EIF4G3: variants seen among roughly 807,000 people sequenced by gnomAD.
The protein encoded by EIF4G3 is eukaryotic translation initiation factor 4 gamma 3, also known as eIF-4-gamma 3.
EIF4G3 carries 34 observed loss-of-function variants against 186.4 expected under a neutral mutation model. The observed-to-expected ratio is 0.18, with a 90% confidence interval of 0.14 to 0.24. The LOEUF is 0.24. Ranked by LOEUF, EIF4G3 falls within the 10% of genes least tolerant of loss-of-function variation. EIF4G3 has a pLI of 1.00. For missense variants in EIF4G3, 1,536 were observed against 1,948.5 expected, an observed-to-expected ratio of 0.79 and a Z score of 3.99; for synonymous variants, 673 against 679.5, an observed-to-expected ratio of 0.99 and a Z score of 0.15.
intron 10 of EIF4G3, among the ~76,000 whole-genome samples, chr1:20,979,046 C>T (rs980898773): frequency 6.6e-6 from 1 of 151,980 alleles, no homozygotes; most frequent in South Asian, 2.1e-4. Context: ...TAAGTTTTTG[C>T]TTTGTTGGTT....
chr1:20,996,307 C>T, intron 7 of EIF4G3, among the ~76,000 whole-genome samples: 1 of 152,084 alleles, frequency 6.6e-6, no homozygotes, highest in Non-Finnish European at 1.5e-5. Flanking sequence ...AAGAATCAAA[C>T]CTAGATCTAG....
chr1:21,134,782 A>G (rs527370983), intron 2 of EIF4G3, among the ~76,000 whole-genome samples: 4 of 152,308 alleles, frequency 2.6e-5, no homozygotes, highest in African/African-American at 7.2e-5. Context: ...GGGTACATGC[A>G]AGAGACTTTA....
chr1:20,955,338 C>T (rs2096380087), intron 12 of EIF4G3, among the ~76,000 whole-genome samples: 1 of 151,656 alleles, frequency 6.6e-6, no homozygotes, highest in Admixed American at 6.6e-5. Flanking sequence ...TTCAAGTGTT[C>T]CTTCCACCTC....
At chr1:21,135,369 C>T (rs2097220449) in intron 2 of EIF4G3, among the ~76,000 whole-genome samples, 1 of 152,144 alleles carries the variant, frequency 6.6e-6, no homozygotes, top group Admixed American at 6.5e-5. Flanking sequence ...TGTGGTGGCG[C>T]ATGCCTGTGA....
At chr1:21,019,876 C>A (rs1197278378) in intron 4 of EIF4G3, among the ~76,000 whole-genome samples, 1 of 152,076 alleles carries the variant, frequency 6.6e-6, no homozygotes, top group Non-Finnish European at 1.5e-5. Flanking sequence ...GAGCAAGACG[C>A]CGTCTCAAAA....
intron 4 of EIF4G3, among the ~76,000 whole-genome samples, chr1:21,022,069 C>T (rs968747668): frequency 3.9e-5 from 6 of 152,178 alleles, no homozygotes; most frequent in Admixed American, 1.3e-4. Flanking sequence ...AATACCTCAA[C>T]GATGGCACTA....
intron 10 of EIF4G3, among the ~76,000 whole-genome samples, chr1:20,977,413 C>T (rs1331550987): frequency 6.6e-6 from 1 of 152,162 alleles, no homozygotes; most frequent in East Asian, 1.9e-4. Context: ...TTTAGAACTC[C>T]TGACCTCGGG....
chr1:21,043,435 TA>T (rs1313951975), intron 4 of EIF4G3, among the ~76,000 whole-genome samples: 1 of 152,178 alleles, frequency 6.6e-6, no homozygotes, highest in African/African-American at 2.4e-5. Flanking sequence ...TAATTGTACT[TA>T]ACCATCACTC....
intron 4 of EIF4G3, among the ~76,000 whole-genome samples, chr1:21,004,408 C>T (rs1402076979): frequency 6.6e-6 from 1 of 151,990 alleles, no homozygotes; most frequent in Non-Finnish European, 1.5e-5. Context: ...AATGAAATGC[C>T]ACCAAGAACA....
intron 2 of EIF4G3, among the ~76,000 whole-genome samples, chr1:21,142,872 T>C (rs144405744): frequency 7.7e-4 from 118 of 152,306 alleles, no homozygotes; most frequent in Non-Finnish European, 1.4e-3. Flanking sequence ...GCAGCATCCA[T>C]AAGTAATTCT....
chr1:20,986,098 C>A (rs1189512052), intron 7 of EIF4G3, among the ~76,000 whole-genome samples: 1 of 152,190 alleles, frequency 6.6e-6, no homozygotes, highest in Non-Finnish European at 1.5e-5. Context: ...TCCTGTCCCT[C>A]CAACCAAGAT....
intron 12 of EIF4G3, among the ~76,000 whole-genome samples, chr1:20,963,118 T>C (rs1483836887): frequency 6.6e-6 from 1 of 152,062 alleles, no homozygotes; most frequent in Non-Finnish European, 1.5e-5. Flanking sequence ...TGGTCTGTAT[T>C]TGTGTACCTA....
chr1:21,044,591 A>G (rs1241228951), intron 4 of EIF4G3, among the ~76,000 whole-genome samples: 1 of 152,140 alleles, frequency 6.6e-6, no homozygotes, highest in African/African-American at 2.4e-5. Flanking sequence ...AACAAAAAGA[A>G]AAAAAAGCAT....
At chr1:20,864,170 GT>G (rs2077059764) in intron 22 of EIF4G3, among the ~76,000 whole-genome samples, 1 of 152,172 alleles carries the variant, frequency 6.6e-6, no homozygotes, top group South Asian at 2.1e-4. Flanking sequence ...TTAGGCCATA[GT>G]TTTTCTTTGC....
intron 3 of EIF4G3, among the ~76,000 whole-genome samples, chr1:21,062,147 C>A (rs1408331981): frequency 1.3e-5 from 2 of 152,048 alleles, no homozygotes; most frequent in African/African-American, 2.4e-5. Flanking sequence ...CAACCTCAAA[C>A]TCCAGGGCTC....
At chr1:20,833,615 T>C (rs1045426427) in intron 30 of EIF4G3, among the ~76,000 whole-genome samples, 10 of 152,296 alleles carry the variant, frequency 6.6e-5, no homozygotes, top group African/African-American at 2.4e-4. Flanking sequence ...TCCTGCCTAA[T>C]TGCCCTGGCC....
intron 4 of EIF4G3, among the ~76,000 whole-genome samples, chr1:21,021,474 C>T (rs989675357): frequency 6.6e-6 from 1 of 152,140 alleles, no homozygotes; most frequent in Non-Finnish European, 1.5e-5. Flanking sequence ...CTTCCAAGTG[C>T]TCTCTCCTTC....
intron 3 of EIF4G3, among the ~76,000 whole-genome samples, chr1:21,059,694 G>C (rs758821096): frequency 1.4e-4 from 22 of 152,136 alleles, no homozygotes; most frequent in Non-Finnish European, 2.6e-4. Flanking sequence ...TATGATTCAA[G>C]TAATACTTAA....
At chr1:21,154,545 AAT>A (rs1473056456) in intron 2 of EIF4G3, among the ~76,000 whole-genome samples, 1 of 152,212 alleles carries the variant, frequency 6.6e-6, no homozygotes, top group Non-Finnish European at 1.5e-5. Context: ...CTCCGCTCCA[AAT>A]ATATTTTTCA....
Sources: allele counts gnomAD v4.1 joint callset (sites outside exome capture counted in the v4.1 genomes callset), GRCh38; gene constraint gnomAD v4.1.1; transcripts MANE v1.5; gene names NCBI Gene and HGNC (gene_info 2026-07-23, HGNC 2026-07-21).